The following TFIP11 variants were observed in gnomAD, a reference collection of about 807,000 sequenced individuals.
TFIP11 encodes the protein tuftelin interacting protein 11.
A neutral mutation model predicts 96.8 loss-of-function variants in TFIP11; 86 were observed. The ratio of observed to expected loss-of-function variants is 0.89; its 90% CI spans 0.75 to 1.06. TFIP11 has a LOEUF of 1.06. TFIP11 is among the 50% of genes least tolerant of loss of function. TFIP11 has a pLI of 0.00. For synonymous variants in TFIP11, 405 were observed against 395.2 expected (o/e 1.02, Z -0.29); for missense variants, 881 against 1,076.7 (o/e 0.82, Z 2.54).
At chr22:26,500,878 C>CTTTTTTTTTTT (rs397958538) in intron 8 of TFIP11, among the ~76,000 whole-genome samples, 1 of 102,058 alleles carries the variant, frequency 9.8e-6, no homozygotes. Context: ...TAACGGAAAA[C>CTTTTTTTTTTT]TTTTTTTTTT....
At chr22:26,510,578 C>T (rs187340862) in intron 3 of TFIP11, 39 bp downstream of exon 3, 41 of 305,436 alleles carry the variant, frequency 1.3e-4, no homozygotes, top group Non-Finnish European at 2.1e-4. Context: ...ACACAAACCA[C>T]ACAAAAATAA....
intron 10 of TFIP11, among the ~76,000 whole-genome samples, chr22:26,498,280 C>T (rs747757156): frequency 1.3e-4 from 20 of 152,176 alleles, no homozygotes; most frequent in South Asian, 1.0e-3. Context: ...CGGTGGCTCA[C>T]GCCTGGAATC....
At chr22:26,509,509 TG>T (rs1247964936) in intron 4 of TFIP11, among the ~76,000 whole-genome samples, 4 of 152,200 alleles carry the variant, frequency 2.6e-5, no homozygotes, top group African/African-American at 9.7e-5. Context: ...AAGGCAAGAA[TG>T]GGTCTATAGC....
At position 26,498,146 on chromosome 22, in the gene TFIP11, C is replaced by A. The variant is rs186267506; in HGVS notation, c.1436+723G>T. ...TGGAAAACCAAACATCTTATGTTCTCACTTATAAGTGGAAGCTAAGTTATG... is the reference window on the plus strand; with the variant it reads ...TGGAAAACCAAACATCTTATGTTCTAACTTATAAGTGGAAGCTAAGTTATG... On this transcript the variant is annotated intron_variant, in intron 10 of 14. Coordinates refer to ENST00000407690, the MANE Select transcript of TFIP11 (RefSeq NM_012143.4). 2.5e-4 allele frequency among the ~76,000 whole-genome samples: 38 copies of A among 152,304 alleles called. 1 individual carries two copies. The highest frequency in any genetic ancestry group is 8.7e-4 in the African/African-American group (36 of 41,580).
chr22:26,510,486 ACTC>A (rs1430630551), intron 3 of TFIP11, 128 bp downstream of exon 3: 4 of 575,612 alleles, frequency 6.9e-6, no homozygotes, highest in Non-Finnish European at 1.2e-5. Flanking sequence ...ACAAAATACT[ACTC>A]CTAACAGTCT....
chr22:26,506,622 C>T (rs1035372958), intron 5 of TFIP11, 153 bp downstream of exon 5: 3 of 1,273,868 alleles, frequency 2.4e-6, no homozygotes, highest in Admixed American at 2.2e-5. Context: ...GAAGAGACTG[C>T]ACTACACACT....
intron 10 of TFIP11, among the ~76,000 whole-genome samples, chr22:26,498,001 A>G (rs1330769865): frequency 3.9e-5 from 2 of 51,248 alleles, no homozygotes. Flanking sequence ...AAGTGGATAA[A>G]GAAACTGTGG....
rs1298155674 is a variant in TFIP11 at position 26,502,002 on chromosome 22, C to A, written c.699G>T (p.Lys233Asn). The A allele has an allele frequency of 1.9e-6, 3 of 1,613,828 alleles. No individual in the cohort carries two copies. Among genetic ancestry groups the A allele is most frequent in the African/African-American group, 2.7e-5 (2 of 74,858 alleles). Reference protein sequence around the residue: ...SQWRKDPSGSKKKPKYSYKTV... With the variant: ...SQWRKDPSGSNKKPKYSYKTV... ...TCTTGTAAGAGTATTTGGGCTTCTT[C>A]TTGCTTCCACTTGGGTCTTTCCTCC... The change falls in exon 8 of 15, where the codon AAG becomes AAT. Residue 233 changes from lysine to asparagine, a missense_variant. Coordinates refer to ENST00000407690, the MANE Select transcript of TFIP11 (RefSeq NM_012143.4).
intron 3 of TFIP11, 124 bp from the exon 4 acceptor site, chr22:26,510,405 C>T (rs2147152510): frequency 1.2e-6 from 1 of 862,442 alleles, no homozygotes; most frequent in Non-Finnish European, 1.8e-6. Context: ...CCATTAAAGT[C>T]AGCATTACTA....
At chr22:26,494,383 T>TC in intron 13 of TFIP11, 79 bp from the exon 14 acceptor site, 1 of 1,554,330 alleles carries the variant, frequency 6.4e-7, no homozygotes, top group Non-Finnish European at 8.9e-7. Flanking sequence ...TTTGTTTTGT[T>TC]TTGATCCTGG....
intron 7 of TFIP11, among the ~76,000 whole-genome samples, chr22:26,502,879 C>T (rs1006797946): frequency 6.6e-6 from 1 of 152,208 alleles, no homozygotes; most frequent in Non-Finnish European, 1.5e-5. Context: ...CCTGGCTCAT[C>T]TTACTTGCTT....
chr22:26,508,807 T>C lies in TFIP11; in HGVS notation c.209+1257A>G, dbSNP rs140397704. ...TTGCAGTGAGCCAAGATTGCACCACTGTACTCCAGCCTGGCGACAGAGCAA... is the reference window on the plus strand; with the variant it reads ...TTGCAGTGAGCCAAGATTGCACCACCGTACTCCAGCCTGGCGACAGAGCAA... On this transcript the variant is annotated intron_variant, in intron 4 of 14. Coordinates refer to ENST00000407690, the MANE Select transcript of TFIP11 (RefSeq NM_012143.4). 3.2e-3 allele frequency among the ~76,000 whole-genome samples: 484 copies of C among 149,974 alleles called. 11 individuals carry two copies. In the South Asian group the frequency reaches 0.041, roughly 13 times the overall value.
At chr22:26,498,749 T>G in intron 10 of TFIP11, 120 bp downstream of exon 10, 1 of 744,782 alleles carries the variant, frequency 1.3e-6, no homozygotes, top group South Asian at 1.7e-5. Flanking sequence ...CCTAAAGCAC[T>G]GTCAGCATGA....
Position 26,510,236 on chromosome 22 carries a change from G to A in TFIP11, c.37C>T (p.Arg13Cys), listed in dbSNP as rs200830209. 270 of 1,614,052 alleles carry A rather than the reference G, an allele frequency of 1.7e-4. No individual in the cohort carries two copies. In the Middle Eastern group the frequency reaches 2.5e-3, roughly 15 times the overall value. ...CGCTCGTCATCATCATCATCAATGC[G>A]GCCTTCCCCATCCCGGTATAAGTGG... ...LSHLYRDGEGRIDDDDDEREN... is the reference protein window; with the variant it reads ...LSHLYRDGEGCIDDDDDEREN... Residue 13 changes from arginine to cysteine, a missense_variant, in exon 4 of 15, where the codon CGC becomes TGC. By Grantham distance (180) the Arg-to-Cys change is radical (BLOSUM62 -3). Transcript: ENST00000407690.
At chr22:26,503,342 A>G (rs1390340292) in intron 7 of TFIP11, among the ~76,000 whole-genome samples, 1 of 152,124 alleles carries the variant, frequency 6.6e-6, no homozygotes, top group Non-Finnish European at 1.5e-5. Flanking sequence ...CTCAACTGAA[A>G]TGTTTCCTTT....
At chr22:26,509,419 CAT>C (rs1380606394) in intron 4 of TFIP11, among the ~76,000 whole-genome samples, 2 of 152,246 alleles carry the variant, frequency 1.3e-5, no homozygotes, top group African/African-American at 4.8e-5. Flanking sequence ...TCATGTCCCT[CAT>C]GTCCTGCATC....
Position 26,499,115 on chromosome 22 carries a change from C to A in TFIP11, c.1318G>T (p.Asp440Tyr). 1 of 1,589,068 alleles carries A rather than the reference C, an allele frequency of 6.3e-7. No homozygotes were observed. Among genetic ancestry groups the A allele is most frequent in the Non-Finnish European group, 8.6e-7 (1 of 1,164,230 alleles). Reference protein sequence around the residue: ...PLMKEYFKEWDPLKDCTYGTE... With the variant: ...PLMKEYFKEWYPLKDCTYGTE... ...TCCCAGCAACTCACTTTGAGGGGATCCCACTCCTTGAAGTACTCCTTCATG... is the reference window on the plus strand; with the variant it reads ...TCCCAGCAACTCACTTTGAGGGGATACCACTCCTTGAAGTACTCCTTCATG... The change falls in exon 9 of 15, where the codon GAT becomes TAT. Residue 440 changes from aspartate to tyrosine, a missense_variant. Coordinates refer to ENST00000407690, the MANE Select transcript of TFIP11 (RefSeq NM_012143.4).
chr22:26,511,342 T>C (rs1459966283), intron 2 of TFIP11: 2 of 18,696 alleles, frequency 1.1e-4, no homozygotes, highest in East Asian at 3.4e-3. Flanking sequence ...CCCACACAGA[T>C]TGAATTGAGG....
At chr22:26,497,384 C>T (rs1040789814) in intron 10 of TFIP11, among the ~76,000 whole-genome samples, 1 of 152,248 alleles carries the variant, frequency 6.6e-6, no homozygotes, top group African/African-American at 2.4e-5. Context: ...TAGACAGAGG[C>T]TGTCTGCTGT....
Sources: allele counts gnomAD v4.1 joint callset (sites outside exome capture counted in the v4.1 genomes callset), GRCh38; gene constraint gnomAD v4.1.1; transcripts MANE v1.5; gene names NCBI Gene and HGNC (gene_info 2026-07-23, HGNC 2026-07-21).